Variants in ZCCHC14 observed in about 807,000 individuals in gnomAD.
ZCCHC14 encodes zinc finger CCHC domain-containing protein 14.
ZCCHC14 carries 16 observed loss-of-function variants against 85.0 expected under a neutral mutation model. That is an observed-to-expected ratio of 0.19 (90% CI 0.13 to 0.29). ZCCHC14 has a LOEUF of 0.29. Among genes scored for constraint, ZCCHC14 ranks in the 10% least tolerant of loss-of-function variants. The pLI is 1.00. For missense variants in ZCCHC14, 1,303 were observed against 1,443.5 expected (o/e 0.90, Z 1.58); for synonymous variants, 775 against 630.7 (o/e 1.23, Z -3.43).
intron 2 of ZCCHC14, among the ~76,000 whole-genome samples, chr16:87,450,914 T>C (rs1240555815): frequency 2.0e-5 from 3 of 152,004 alleles, no homozygotes; most frequent in African/African-American, 7.2e-5. Flanking sequence ...TTTCTTTTTT[T>C]TGAGATGGAG....
intron 2 of ZCCHC14, among the ~76,000 whole-genome samples, chr16:87,456,489 C>T (rs1022101406): frequency 1.5e-5 from 2 of 131,912 alleles, no homozygotes; most frequent in Non-Finnish European, 3.1e-5. Flanking sequence ...GCTGTGATTG[C>T]GCCACTGCAC....
chr16:87,466,713 G>A lies in ZCCHC14; in HGVS notation c.571-6582C>T, dbSNP rs72806265. ...ACGACTGTGCAATCAAAGTATCTGTGACTGCATCTGTGACCAAGTCACAGG... is the reference window on the plus strand; with the variant it reads ...ACGACTGTGCAATCAAAGTATCTGTAACTGCATCTGTGACCAAGTCACAGG... On this transcript the variant is annotated intron_variant, in intron 1 of 12. Transcript: ENST00000671377. Among the ~76,000 whole-genome samples the A allele has an allele frequency of 8.7e-3, 1,329 of 152,278 alleles. 15 individuals are homozygous for A. The highest frequency in any genetic ancestry group is 9.9e-3 in the Non-Finnish European group (673 of 68,022).
At chr16:87,433,071 GT>G in intron 3 of ZCCHC14, 56 bp downstream of exon 3, 1 of 1,542,414 alleles carries the variant, frequency 6.5e-7, no homozygotes, top group Non-Finnish European at 9.0e-7. Context: ...CATCTCCAGG[GT>G]AAGTGTTTTC....
chr16:87,414,969 G>A (rs559117874), intron 9 of ZCCHC14, among the ~76,000 whole-genome samples: 2 of 152,220 alleles, frequency 1.3e-5, no homozygotes, highest in Admixed American at 6.5e-5. Flanking sequence ...GTAATCCCAG[G>A]TACTTGGGAG....
rs1314860450 is a variant in ZCCHC14, at chr16:87,420,199, AT to A, written c.951-323del. On this transcript the variant is annotated intron_variant, in intron 5 of 12. Transcript: ENST00000671377. The surrounding 1 kb of genome is among the most constrained non-coding windows in gnomAD (Gnocchi z 5.0). ...GTCCCCAGGGCCCCGGCAGCAGCAC[AT>A]TTACGGAACTGGTCGGCCATGTTAC... 1.3e-5 allele frequency among the ~76,000 whole-genome samples: 2 copies of A among 152,198 alleles called. No homozygotes were observed. Among genetic ancestry groups the A allele is most frequent in the Non-Finnish European group, 2.9e-5 (2 of 68,038 alleles).
At chr16:87,484,874 G>A in intron 1 of ZCCHC14, among the ~76,000 whole-genome samples, 1 of 152,158 alleles carries the variant, frequency 6.6e-6, no homozygotes, top group East Asian at 1.9e-4. Context: ...GTCAAAGATT[G>A]GATTGAAGGA....
intron 2 of ZCCHC14, among the ~76,000 whole-genome samples, chr16:87,455,229 G>A (rs531359092): frequency 1.3e-5 from 2 of 152,122 alleles, no homozygotes; most frequent in Non-Finnish European, 2.9e-5. Context: ...TGGAGGTTGT[G>A]GTGAACCGAG....
intron 1 of ZCCHC14, chr16:87,474,171 C>T (rs1911899105): frequency 1.3e-5 from 2 of 152,408 alleles, no homozygotes; most frequent in Admixed American, 6.5e-5. Flanking sequence ...TGAAGCCTAG[C>T]CCAGGCCTGC....
Position 87,492,433 on chromosome 16 carries a change from C to T in ZCCHC14, c.-195G>A, listed in dbSNP as rs1005650806. ...CGGGGACCGGGGCCGGGCAAGGCTC[C>T]CGTCAGGGGCCGGCGGGCGGGCGCG... On this transcript the variant is annotated 5_prime_UTR_variant, in exon 1 of 13. Transcript: ENST00000671377. The surrounding 1 kb of genome is among the most constrained non-coding windows in gnomAD (Gnocchi z 6.7). 1 of 144,514 alleles carries T rather than the reference C, an allele frequency of 6.9e-6. No homozygotes were observed. The highest frequency in any genetic ancestry group is 6.8e-5 in the Admixed American group (1 of 14,634). The allele number at this position is 144,514 out of a possible 1,614,324, so 9.0% of individuals were successfully genotyped here.
Position 87,408,252 on chromosome 16 carries a change from GACGGTTTTCA to G in ZCCHC14, c.*2018_*2027del, listed in dbSNP as rs1908288244. On this transcript the variant is annotated 3_prime_UTR_variant, in exon 13 of 13. Coordinates refer to ENST00000671377, the MANE Select transcript of ZCCHC14 (RefSeq NM_015144.3). ...CCAATGTTTTTTCCTTTTGTTATGA[GACGGTTTTCA>G]ACAATTTCAGTGTTGAAATAGGATT... is the stretch of plus-strand genomic sequence containing the variant. 1 of 152,480 alleles carries G rather than the reference GACGGTTTTCA, an allele frequency of 6.6e-6. No homozygotes were observed. The highest frequency in any genetic ancestry group is 1.5e-5 in the Non-Finnish European group (1 of 68,032). The allele number at this position is 152,480 out of a possible 1,614,324, so 9.4% of individuals were successfully genotyped here.
intron 1 of ZCCHC14, among the ~76,000 whole-genome samples, chr16:87,474,878 C>T (rs1197766308): frequency 6.6e-6 from 1 of 152,356 alleles, no homozygotes. Context: ...GGTCACACTA[C>T]AGCAACTGAG....
At chr16:87,464,521 C>T (rs985613149) in intron 1 of ZCCHC14, among the ~76,000 whole-genome samples, 1 of 152,150 alleles carries the variant, frequency 6.6e-6, no homozygotes, top group African/African-American at 2.4e-5. Flanking sequence ...GAGCTAAAGG[C>T]TGTAGGTCCG....
intron 1 of ZCCHC14, among the ~76,000 whole-genome samples, chr16:87,469,290 C>T (rs968180136): frequency 2.0e-5 from 3 of 152,326 alleles, no homozygotes; most frequent in African/African-American, 4.8e-5. Flanking sequence ...CCCTGCAGTA[C>T]GTGACGTACA....
At chr16:87,455,289 C>CGTT (rs752683317) in intron 2 of ZCCHC14, among the ~76,000 whole-genome samples, 65 of 151,732 alleles carry the variant, frequency 4.3e-4, no homozygotes, top group Non-Finnish European at 6.9e-4. Flanking sequence ...ACTCCGTCCC[C>CGTT]CCCCGCCCCC....
rs1305088962 is a variant in ZCCHC14 at position 87,412,367 on chromosome 16, T to C, written c.2354A>G (p.Asp785Gly). ...KLLLSSSVPA[D>G]SAISGQTSCP... ...GGAAGTTTGCCCAGAAATGGCAGAA[T>C]CAGCAGGAACAGATGACGACAGCAG... The change falls in exon 12 of 13, where the codon GAT (aspartate) becomes GGT (glycine). Residue 785 changes from aspartate (D) to glycine (G), a missense_variant. Transcript: ENST00000671377. 1 of 1,614,130 alleles carries C rather than the reference T, an allele frequency of 6.2e-7. No homozygotes were observed. The highest frequency in any genetic ancestry group is 2.2e-5 in the East Asian group (1 of 44,882).
intron 1 of ZCCHC14, among the ~76,000 whole-genome samples, chr16:87,484,728 G>C (rs1912437222): frequency 6.6e-6 from 1 of 152,222 alleles, no homozygotes; most frequent in Admixed American, 6.5e-5. Flanking sequence ...GGGGCTGGTA[G>C]AGACGAGCGG....
rs143679339 is a variant in ZCCHC14 at position 87,486,551 on chromosome 16, C to T, written c.570+5118G>A. ...TCAGCTGAGGACGCTTTTCTCAGAA[C>T]GTATCTGTGTCCTTAAGCAGCACAT... On this transcript the variant is annotated intron_variant, in intron 1 of 12. Coordinates refer to ENST00000671377, the MANE Select transcript of ZCCHC14 (RefSeq NM_015144.3). Among the ~76,000 whole-genome samples the T allele has an allele frequency of 3.3e-3, 497 of 152,324 alleles. 2 individuals are homozygous for T. The highest frequency in any genetic ancestry group is 0.012 in the African/African-American group (481 of 41,574).
At position 87,491,655 on chromosome 16, in the gene ZCCHC14, G is replaced by C; in HGVS notation, c.570+14C>G. The C allele has an allele frequency of 7.2e-7, 1 of 1,396,986 alleles. No individual in the cohort carries two copies. The highest frequency in any genetic ancestry group is 9.3e-7 in the Non-Finnish European group (1 of 1,080,754). The allele number at this position is 1,396,986 out of a possible 1,614,324, so 86.5% of individuals were successfully genotyped here. On this transcript the variant is annotated intron_variant, in intron 1 of 12. Coordinates refer to ENST00000671377, the MANE Select transcript of ZCCHC14 (RefSeq NM_015144.3). The surrounding 1 kb of genome is among the most constrained non-coding windows in gnomAD (Gnocchi z 5.9). ...GACTTGGGGTACAGGGCAGAGCTCG[G>C]GGCGGGCACGCACCTTGTGGCAGGC...
intron 2 of ZCCHC14, among the ~76,000 whole-genome samples, chr16:87,453,104 C>G (rs901851804): frequency 5.9e-5 from 9 of 152,220 alleles, no homozygotes; most frequent in African/African-American, 2.2e-4. Context: ...AGATGGAACG[C>G]TGACCTGTGA....
Sources: gnomAD v4.1 joint callset for allele counts (sites outside exome capture counted in the v4.1 genomes callset) on GRCh38, gnomAD v4.1.1 for gene constraint, Gnocchi (gnomAD v3.1) non-coding constraint, MANE v1.5 for transcripts, NCBI Gene and HGNC (gene_info 2026-07-23, HGNC 2026-07-21) for gene names.